The following RPGRIP1 variants were observed in gnomAD, a reference collection of about 807,000 sequenced individuals.
RPGRIP1 encodes the protein X-linked retinitis pigmentosa GTPase regulator-interacting protein 1.
In RPGRIP1, 128 loss-of-function variants were observed where a neutral mutation model predicts 157.9. The ratio of observed to expected loss-of-function variants is 0.81; its 90% confidence interval spans 0.70 to 0.94. RPGRIP1 has a LOEUF of 0.94. RPGRIP1 is among the 40% of genes least tolerant of loss of function. The pLI, the probability that RPGRIP1 is intolerant of heterozygous loss-of-function variation, is 0.00. For missense variants in RPGRIP1, 1,486 were observed against 1,545.8 expected (o/e 0.96, Z 0.65); for synonymous variants, 554 against 571.6 (o/e 0.97, Z 0.44).
chr14:21,332,492 T>C (rs954405269), intron 20 of RPGRIP1, among the ~76,000 whole-genome samples: 4 of 152,150 alleles, frequency 2.6e-5, no homozygotes, highest in African/African-American at 9.7e-5. Context: ...TTGCAGACAA[T>C]GGAATATTAT....
intron 6 of RPGRIP1, 39 bp downstream of exon 6, chr14:21,303,582 C>A (rs1329045087): frequency 5.2e-5 from 75 of 1,448,990 alleles, no homozygotes; most frequent in Non-Finnish European, 7.0e-5. Flanking sequence ...CCAAAACGAA[C>A]TGAAAAAGCT....
chr14:21,320,151 G>T lies in RPGRIP1; in HGVS notation c.1441G>T (p.Val481Leu). 6.2e-7 allele frequency: 1 copy of T among 1,613,952 alleles called. No homozygotes were observed. ...ATCTGAACCAGCCACTCACCCAGCTGTATTGCAAGAGAACACTCAGATCGA... is the reference window on the plus strand; with the variant it reads ...ATCTGAACCAGCCACTCACCCAGCTTTATTGCAAGAGAACACTCAGATCGA... ...RQSEPATHPA[V>L]LQENTQIEPS... The change falls in exon 12 of 25, where the codon GTA becomes TTA. Residue 481 changes from valine (V) to leucine (L), a missense_variant. By Grantham distance (32) the Val-to-Leu change is conservative. Transcript: ENST00000400017.
chr14:21,330,242 T>G lies in RPGRIP1; in HGVS notation c.3100-7T>G, dbSNP rs1182370469. On this transcript the variant is annotated splice_region_variant and splice_polypyrimidine_tract_variant and intron_variant, in intron 19 of 24. Transcript: ENST00000400017. Reference sequence around the variant, plus strand: ...AGCTATGTAGTATTGTTGTTCTTATTCTGAAGCAGGTGAATTACACTGAGT... The same window carrying G: ...AGCTATGTAGTATTGTTGTTCTTATGCTGAAGCAGGTGAATTACACTGAGT... 2 of 1,544,990 alleles carry G rather than the reference T, an allele frequency of 1.3e-6. No homozygotes were observed. The highest frequency in any genetic ancestry group is 2.8e-5 in the African/African-American group (2 of 70,244).
intron 21 of RPGRIP1, among the ~76,000 whole-genome samples, chr14:21,341,786 C>T (rs985086468): frequency 9.2e-5 from 14 of 151,980 alleles, no homozygotes; most frequent in Admixed American, 3.3e-4. Context: ...CCAGGCGCGG[C>T]GGCTCACGAC....
At chr14:21,332,763 G>A (rs1883918568) in intron 20 of RPGRIP1, among the ~76,000 whole-genome samples, 1 of 152,122 alleles carries the variant, frequency 6.6e-6, no homozygotes. Context: ...TTCTGTGGAA[G>A]CCTAATTGTT....
At chr14:21,300,705 C>CATTTTTT (rs1378187329) in intron 3 of RPGRIP1, among the ~76,000 whole-genome samples, 5 of 73,506 alleles carry the variant, frequency 6.8e-5, no homozygotes, top group African/African-American at 2.7e-4. Context: ...AGTGGCTCAA[C>CATTTTTT]TTTTTTTTTT....
At chr14:21,309,199 T>G (rs1411127025) in intron 7 of RPGRIP1, among the ~76,000 whole-genome samples, 1 of 152,180 alleles carries the variant, frequency 6.6e-6, no homozygotes, top group Non-Finnish European at 1.5e-5. Flanking sequence ...TAATAACTCC[T>G]TTAACAGTGC....
chr14:21,321,174 C>T, intron 12 of RPGRIP1, 85 bp from the exon 13 acceptor site: 1 of 1,386,110 alleles, frequency 7.2e-7, no homozygotes, highest in Non-Finnish European at 9.7e-7. Context: ...CATTTTACTA[C>T]TACCAACAAC....
Position 21,323,347 on chromosome 14 carries a change from G to A in RPGRIP1, c.1763-1271G>A, listed in dbSNP as rs111244082. 9.5e-3 allele frequency among the ~76,000 whole-genome samples: 1,448 copies of A among 152,052 alleles called. 26 individuals carry two copies. The highest frequency in any genetic ancestry group is 0.031 in the African/African-American group (1,292 of 41,444). ...TGAGACAGGAGAATCGCTTGAACCC[G>A]GGAGGCAAAGTTGCAGTGAGCCGAG... On this transcript the variant is annotated intron_variant, in intron 14 of 24. Transcript: ENST00000400017.
intron 6 of RPGRIP1, among the ~76,000 whole-genome samples, chr14:21,305,433 GTTTA>G (rs1013125631): frequency 2.0e-5 from 3 of 152,206 alleles, no homozygotes; most frequent in Non-Finnish European, 4.4e-5. Context: ...ACATGTACCA[GTTTA>G]TTTATCCATT....
At chr14:21,322,261 G>A (rs1484952534) in intron 14 of RPGRIP1, among the ~76,000 whole-genome samples, 7 of 152,010 alleles carry the variant, frequency 4.6e-5, no homozygotes, top group Admixed American at 1.3e-4. Context: ...AGGTTCAAGC[G>A]ATTCTCCTGC....
chr14:21,330,629 G>A (rs901994594), intron 20 of RPGRIP1, among the ~76,000 whole-genome samples: 15 of 151,948 alleles, frequency 9.9e-5, no homozygotes, highest in African/African-American at 3.6e-4. Context: ...TTGCACCACT[G>A]CACTCCTCCA....
chr14:21,323,069 G>T (rs1201439859), intron 14 of RPGRIP1, among the ~76,000 whole-genome samples: 1 of 152,156 alleles, frequency 6.6e-6, no homozygotes, highest in African/African-American at 2.4e-5. Context: ...ACAGTTCAGG[G>T]CAGCCCTCTT....
chr14:21,282,019 C>T (rs546593761), intron 1 of RPGRIP1, among the ~76,000 whole-genome samples: 7 of 152,098 alleles, frequency 4.6e-5, no homozygotes, highest in South Asian at 4.1e-4. Flanking sequence ...CGCTTGAACC[C>T]GGGAAGCGGA....
intron 3 of RPGRIP1, among the ~76,000 whole-genome samples, chr14:21,297,167 C>G (rs1316908218): frequency 6.6e-6 from 1 of 152,002 alleles, no homozygotes; most frequent in Admixed American, 6.6e-5. Context: ...AATCTCGGCT[C>G]ACCGGCAATC....
At chr14:21,343,786 C>T (rs1026314139) in intron 22 of RPGRIP1, among the ~76,000 whole-genome samples, 4 of 151,600 alleles carry the variant, frequency 2.6e-5, no homozygotes, top group African/African-American at 9.7e-5. Context: ...GCCACCAAGC[C>T]CATCCTATCT....
chr14:21,292,918 G>GC (rs1566667613), intron 2 of RPGRIP1, among the ~76,000 whole-genome samples: 1 of 151,330 alleles, frequency 6.6e-6, no homozygotes, highest in East Asian at 2.0e-4. Context: ...AGGCCGAGGC[G>GC]GGTGGATCAC....
chr14:21,312,400 A>T (rs1331762559), intron 9 of RPGRIP1, 33 bp from the exon 10 acceptor site: 2 of 1,511,046 alleles, frequency 1.3e-6, no homozygotes, highest in Non-Finnish European at 9.1e-7. Context: ...ATAGATTTTA[A>T]CATTTTATCT....
chr14:21,349,090 A>C (rs1411424616), intron 24 of RPGRIP1, among the ~76,000 whole-genome samples: 6 of 38,102 alleles, frequency 1.6e-4, no homozygotes, highest in Admixed American at 3.2e-4. Flanking sequence ...TTTTTTTTTG[A>C]GACAGAGTCT....
Sources: allele counts gnomAD v4.1 joint callset (sites outside exome capture counted in the v4.1 genomes callset), GRCh38; gene constraint gnomAD v4.1.1; transcripts MANE v1.5; gene names NCBI Gene and HGNC (gene_info 2026-07-23, HGNC 2026-07-21).